Variants in ADAM18 observed in about 807,000 individuals in gnomAD.
The protein encoded by ADAM18 is ADAM metallopeptidase domain 18, also known as disintegrin and metalloproteinase domain-containing protein 18.
Under a neutral mutation model 94.4 loss-of-function variants are expected in ADAM18, and 117 were observed. The observed-to-expected ratio is 1.24, with a 90% confidence interval of 1.07 to 1.45. The LOEUF is 1.45. Among genes scored for constraint, ADAM18 ranks in the 40% most tolerant of loss-of-function variants. ADAM18 has a pLI of 0.00. For missense variants in ADAM18, 936 were observed against 880.0 expected (o/e 1.06, Z -0.81); for synonymous variants, 327 against 291.6 (o/e 1.12, Z -1.24).
chr8:39,622,325 A>G (rs1267251584), intron 6 of ADAM18, among the ~76,000 whole-genome samples: 1 of 149,666 alleles, frequency 6.7e-6, no homozygotes, highest in African/African-American at 2.4e-5. Context: ...CATAATACAT[A>G]TATATAATGG....
intron 16 of ADAM18, among the ~76,000 whole-genome samples, chr8:39,681,374 T>G (rs1821453465): frequency 6.6e-6 from 1 of 152,184 alleles, no homozygotes; most frequent in South Asian, 2.1e-4. Flanking sequence ...CAGGTGAGAC[T>G]ACAGTCCCAG....
chr8:39,661,498 T>C (rs887236875), intron 12 of ADAM18, among the ~76,000 whole-genome samples: 1 of 151,922 alleles, frequency 6.6e-6, no homozygotes. Context: ...TTTTATAATG[T>C]TTCTTTGCAG....
At chr8:39,627,651 G>A (rs769019712) in intron 6 of ADAM18, among the ~76,000 whole-genome samples, 5 of 151,840 alleles carry the variant, frequency 3.3e-5, no homozygotes, top group Admixed American at 1.3e-4. Context: ...TTTGGTTTGT[G>A]ATTTTTTTTT....
chr8:39,597,609 G>T (rs1257454456), intron 2 of ADAM18, among the ~76,000 whole-genome samples: 1 of 152,020 alleles, frequency 6.6e-6, no homozygotes, highest in Admixed American at 6.6e-5. Flanking sequence ...CAATTTCTGT[G>T]CTCTTTTTTC....
chr8:39,687,464 AT>A (rs1440818122), intron 16 of ADAM18, among the ~76,000 whole-genome samples: 1 of 152,112 alleles, frequency 6.6e-6, no homozygotes, highest in Non-Finnish European at 1.5e-5. Flanking sequence ...AGACAATTTT[AT>A]TCTATTGTAC....
chr8:39,594,673 A>G (rs963207208), intron 2 of ADAM18, among the ~76,000 whole-genome samples: 5 of 149,028 alleles, frequency 3.4e-5, no homozygotes, highest in African/African-American at 1.2e-4. Context: ...CTTATGAGAA[A>G]TTTGCTGTCA....
intron 18 of ADAM18, among the ~76,000 whole-genome samples, chr8:39,718,541 G>A (rs2129581679): frequency 6.6e-6 from 1 of 151,592 alleles, no homozygotes; most frequent in East Asian, 1.9e-4. Flanking sequence ...AATGGTGGTT[G>A]TTGGGGTGGT....
chr8:39,621,949 G>A (rs888150266), intron 6 of ADAM18, among the ~76,000 whole-genome samples: 3 of 152,120 alleles, frequency 2.0e-5, no homozygotes, highest in African/African-American at 7.2e-5. Flanking sequence ...AAGAGGAAGA[G>A]GATCAGGAAG....
At chr8:39,676,822 C>T (rs529133839) in intron 14 of ADAM18, among the ~76,000 whole-genome samples, 36 of 152,296 alleles carry the variant, frequency 2.4e-4, no homozygotes, top group Admixed American at 2.6e-4. Context: ...AGATTAGAAA[C>T]AGTTTACATT....
At chr8:39,688,695 C>T (rs1039025776) in intron 16 of ADAM18, among the ~76,000 whole-genome samples, 31 of 152,256 alleles carry the variant, frequency 2.0e-4, no homozygotes, top group African/African-American at 7.0e-4. Flanking sequence ...AATGAACATA[C>T]ATGTGCCCTT....
At chr8:39,665,433 A>G (rs1820970581) in intron 13 of ADAM18, among the ~76,000 whole-genome samples, 1 of 152,198 alleles carries the variant, frequency 6.6e-6, no homozygotes. Context: ...GCATGAACAT[A>G]GTGTTTCATT....
At chr8:39,591,053 ATGGC>A (rs1477936449) in intron 2 of ADAM18, among the ~76,000 whole-genome samples, 3 of 152,202 alleles carry the variant, frequency 2.0e-5, no homozygotes, top group Non-Finnish European at 4.4e-5. Flanking sequence ...CAATAGTGCT[ATGGC>A]TAAAAATAAC....
intron 2 of ADAM18, among the ~76,000 whole-genome samples, chr8:39,592,686 T>C (rs1366723327): frequency 1.3e-5 from 2 of 152,130 alleles, no homozygotes; most frequent in South Asian, 2.1e-4. Context: ...CTCTGGGGAC[T>C]CCAAAATGGG....
chr8:39,632,247 T>G (rs1819950435), intron 7 of ADAM18, among the ~76,000 whole-genome samples: 1 of 152,076 alleles, frequency 6.6e-6, no homozygotes, highest in African/African-American at 2.4e-5. Flanking sequence ...TGTCCTTGCT[T>G]GACTCTGCAG....
At chr8:39,690,582 A>G (rs777657258) in intron 16 of ADAM18, among the ~76,000 whole-genome samples, 12 of 152,192 alleles carry the variant, frequency 7.9e-5, no homozygotes, top group Non-Finnish European at 1.6e-4. Flanking sequence ...CAAGTGGACA[A>G]TTCATTAATT....
At chr8:39,659,894 A>G (rs1479664827) in intron 12 of ADAM18, among the ~76,000 whole-genome samples, 1 of 152,140 alleles carries the variant, frequency 6.6e-6, no homozygotes, top group Non-Finnish European at 1.5e-5. Flanking sequence ...ATAAAGCTGG[A>G]TATTAACCTA....
intron 12 of ADAM18, among the ~76,000 whole-genome samples, chr8:39,654,154 C>T (rs7844349): frequency 0.72 from 100,562 of 139,762 alleles, 37,150 homozygotes; most frequent in Middle Eastern, 0.79. Flanking sequence ...GATTTCATTC[C>T]TTTTTTTTTT....
At chr8:39,675,574 C>A (rs1269931618) in intron 14 of ADAM18, among the ~76,000 whole-genome samples, 2 of 152,098 alleles carry the variant, frequency 1.3e-5, no homozygotes, top group African/African-American at 4.8e-5. Flanking sequence ...TTAACATCCT[C>A]CTTTAGCTCG....
chr8:39,632,520 C>T (rs1819956933), intron 7 of ADAM18, among the ~76,000 whole-genome samples: 1 of 152,040 alleles, frequency 6.6e-6, no homozygotes, highest in Admixed American at 6.6e-5. Flanking sequence ...CTACTTATCA[C>T]ATTTTAATCA....
Sources: allele counts gnomAD v4.1 joint callset (sites outside exome capture counted in the v4.1 genomes callset), GRCh38; gene constraint gnomAD v4.1.1; transcripts MANE v1.5; gene names NCBI Gene and HGNC (gene_info 2026-07-23, HGNC 2026-07-21).